NBAS: variants seen among roughly 807,000 people sequenced by gnomAD.
NBAS encodes NBAS subunit of NRZ tethering complex.
NBAS carries 219 observed loss-of-function variants against 302.5 expected under a neutral mutation model. The ratio of observed to expected loss-of-function variants is 0.72; its 90% confidence interval spans 0.65 to 0.81. The LOEUF (loss-of-function observed/expected upper bound fraction) is 0.81, where lower values mean the gene tolerates loss of function less well. Ranked by LOEUF, NBAS falls within the 30% of genes least tolerant of loss-of-function variation. The pLI is 0.00. For synonymous variants in NBAS, 1,118 were observed against 1,021.6 expected (o/e 1.09, Z -1.80); for missense variants, 2,932 against 2,841.6 (o/e 1.03, Z -0.72).
chr2:15,199,035 G>A (rs1464614493), intron 48 of NBAS, among the ~76,000 whole-genome samples: 1 of 149,778 alleles, frequency 6.7e-6, no homozygotes, highest in African/African-American at 2.5e-5. Flanking sequence ...GCTGAGGCAG[G>A]AGAAAGGCGT....
chr2:14,870,760 G>T, the NBAS span, among the ~76,000 whole-genome samples: 1 of 152,068 alleles, frequency 6.6e-6, no homozygotes, highest in Non-Finnish European at 1.5e-5. Flanking sequence ...AGTGAATCTG[G>T]AAAATCAACC....
At chr2:15,262,505 TAACTC>T (rs1384488742) in intron 44 of NBAS, among the ~76,000 whole-genome samples, 1 of 152,168 alleles carries the variant, frequency 6.6e-6, no homozygotes, top group Non-Finnish European at 1.5e-5. Context: ...GGCAAAAACT[TAACTC>T]AGAATATAGA....
chr2:15,442,900 T>C (rs1678508456), intron 21 of NBAS, among the ~76,000 whole-genome samples: 1 of 152,100 alleles, frequency 6.6e-6, no homozygotes, highest in Non-Finnish European at 1.5e-5. Flanking sequence ...CTAGAAAATC[T>C]AGAAGAAATG....
rs367886048 is a variant in NBAS at position 15,167,117 on chromosome 2, G to A, written c.7047C>T (p.Ala2349=). The change falls in exon 52 of 52, where the codon GCC becomes GCT. Residue 2349 remains alanine, a synonymous_variant. Transcript: ENST00000281513. ...TGAAGGCCTGGTGAGTCCCCCTCAC[G>A]GCCAGAAGGAGAGACCCGGCTTCGG... ...HEAEAGSLLL[A]VRGTHQAFRT... 87 of 1,613,980 alleles carry A rather than the reference G, an allele frequency of 5.4e-5. No homozygotes were observed. The highest frequency in any genetic ancestry group is 3.2e-4 in the African/African-American group (24 of 75,058).
chr2:15,334,194 T>A (rs759821405), intron 35 of NBAS, among the ~76,000 whole-genome samples: 1 of 79,550 alleles, frequency 1.3e-5, no homozygotes, highest in Non-Finnish European at 2.7e-5. Flanking sequence ...CCTTTTTCTT[T>A]TCTTTTTTTT....
chr2:15,379,532 G>T, intron 30 of NBAS, 70 bp downstream of exon 30: 2 of 1,432,610 alleles, frequency 1.4e-6, no homozygotes, highest in Non-Finnish European at 2.0e-6. Context: ...GTAAAGAAAA[G>T]AATAACAATG....
intron 44 of NBAS, among the ~76,000 whole-genome samples, chr2:15,259,333 T>G (rs941411668): frequency 1.3e-5 from 2 of 152,176 alleles, no homozygotes; most frequent in African/African-American, 4.8e-5. Context: ...AACCCCTGCA[T>G]TAATACGCTT....
the NBAS span, among the ~76,000 whole-genome samples, chr2:15,110,619 C>T: frequency 1.3e-5 from 2 of 152,246 alleles, no homozygotes; most frequent in South Asian, 4.1e-4. Flanking sequence ...TCAGACCCTT[C>T]CTCTGTCAGA....
chr2:15,185,034 G>C (rs1235186696), intron 50 of NBAS, among the ~76,000 whole-genome samples: 1 of 152,178 alleles, frequency 6.6e-6, no homozygotes, highest in Non-Finnish European at 1.5e-5. Flanking sequence ...ACAATTGTAT[G>C]AGAGACATTC....
At chr2:15,507,553 T>C (rs1178631965) in intron 10 of NBAS, among the ~76,000 whole-genome samples, 2 of 152,218 alleles carry the variant, frequency 1.3e-5, no homozygotes, top group Admixed American at 6.5e-5. Context: ...CCTTTACATA[T>C]ATTACTTCAT....
the NBAS span, among the ~76,000 whole-genome samples, chr2:14,959,226 C>G: frequency 6.6e-6 from 1 of 152,340 alleles, no homozygotes; most frequent in East Asian, 1.9e-4. Context: ...TCATACTGAG[C>G]TTTACCAGGT....
chr2:15,339,312 G>T (rs1004113019), intron 35 of NBAS, among the ~76,000 whole-genome samples: 1 of 152,120 alleles, frequency 6.6e-6, no homozygotes, highest in African/African-American at 2.4e-5. Flanking sequence ...ATTAAGGTAT[G>T]ACCCCTATTC....
the NBAS span, among the ~76,000 whole-genome samples, chr2:15,081,642 G>A: frequency 1.3e-5 from 2 of 152,190 alleles, no homozygotes; most frequent in African/African-American, 4.8e-5. Context: ...ACTAGAAAGA[G>A]ATGCCCCAGC....
intron 50 of NBAS, among the ~76,000 whole-genome samples, chr2:15,185,511 C>A (rs1231632094): frequency 1.3e-5 from 2 of 152,010 alleles, no homozygotes; most frequent in Non-Finnish European, 2.9e-5. Context: ...GCACTGAGTC[C>A]CCATACTACA....
At chr2:14,969,347 C>A in the NBAS span, among the ~76,000 whole-genome samples, 3 of 151,964 alleles carry the variant, frequency 2.0e-5, no homozygotes, top group African/African-American at 7.3e-5. Flanking sequence ...GTGAGCTGTA[C>A]AGTATGAAAA....
chr2:15,193,189 A>G (rs569028681), intron 48 of NBAS, among the ~76,000 whole-genome samples: 3 of 152,128 alleles, frequency 2.0e-5, no homozygotes, highest in Non-Finnish European at 4.4e-5. Context: ...TCTAATGTCC[A>G]CTAATCATTC....
chr2:15,493,859 C>T (rs1680964253), intron 11 of NBAS, among the ~76,000 whole-genome samples: 1 of 136,816 alleles, frequency 7.3e-6, no homozygotes, highest in African/African-American at 2.8e-5. Flanking sequence ...GAGACAGAGT[C>T]ACTGTCTCCC....
the NBAS span, among the ~76,000 whole-genome samples, chr2:15,108,009 A>G: frequency 6.6e-6 from 1 of 152,126 alleles, no homozygotes; most frequent in Non-Finnish European, 1.5e-5. Flanking sequence ...TGAATCATGT[A>G]TCAATAGTTC....
chr2:14,908,673 C>T, the NBAS span, among the ~76,000 whole-genome samples: 11 of 152,166 alleles, frequency 7.2e-5, no homozygotes, highest in South Asian at 2.1e-4. Context: ...GCTTGATTTC[C>T]GTGCTGATTG....
Sources: allele counts gnomAD v4.1 joint callset (sites outside exome capture counted in the v4.1 genomes callset), GRCh38; gene constraint gnomAD v4.1.1; transcripts MANE v1.5; gene names NCBI Gene and HGNC (gene_info 2026-07-23, HGNC 2026-07-21).